VWA3A: variants seen among roughly 807,000 people sequenced by gnomAD.
VWA3A encodes von Willebrand factor A domain-containing protein 3A.
Under a neutral mutation model 160.4 loss-of-function variants are expected in VWA3A, and 134 were observed. The ratio of observed to expected loss-of-function variants is 0.84; its 90% CI spans 0.73 to 0.96. VWA3A has a LOEUF of 0.96. Among genes scored for constraint, VWA3A ranks in the 40% least tolerant of loss-of-function variants. The pLI is 0.00. For synonymous variants in VWA3A, 476 were observed against 543.4 expected (o/e 0.88, Z 1.72); for missense variants, 1,310 against 1,447.9 (o/e 0.90, Z 1.55).
At chr16:22,110,613 C>T (rs965851717) in intron 7 of VWA3A, among the ~76,000 whole-genome samples, 1 of 152,190 alleles carries the variant, frequency 6.6e-6, no homozygotes, top group Non-Finnish European at 1.5e-5. Flanking sequence ...TAGAGAGAAA[C>T]CTCTGTCCTC....
In VWA3A at chr16:22,092,596, C is replaced by T. The variant is rs1413394088; in HGVS notation, c.-42C>T. On this transcript the variant is annotated 5_prime_UTR_variant, in exon 1 of 34. Coordinates refer to ENST00000389398, the MANE Select transcript of VWA3A (RefSeq NM_173615.5). The stretch of plus-strand genomic sequence containing the variant: ...AAGTGAGATCCAGGAGAAGTAAGGC[C>T]CTGGAGTGCCAGGAGCCCTTCTCCC... The T allele has an allele frequency of 6.5e-7, 1 of 1,549,238 alleles. No homozygotes were observed. Among genetic ancestry groups the T allele is most frequent in the East Asian group, 2.5e-5 (1 of 40,814 alleles).
Position 22,134,537 on chromosome 16 carries a change from A to G in VWA3A, c.2139+99A>G, listed in dbSNP as rs575960047. On this transcript the variant is annotated intron_variant, in intron 21 of 33. Coordinates refer to ENST00000389398, the MANE Select transcript of VWA3A (RefSeq NM_173615.5). ...AACTGGGTGGCTTAAAATAACAACC[A>G]TTGATTCTCTCACTTCCAGAGGCTG... 4.9e-5 allele frequency: 50 copies of G among 1,012,544 alleles called. No individual in the cohort carries two copies. The East Asian group carries it at 1.3e-3, about 26-fold the overall frequency. 62.7% of individuals were successfully genotyped at this position (1,012,544 alleles called of 1,614,324 possible).
Position 22,156,041 on chromosome 16 carries a change from C to A in VWA3A, c.*24C>A. 9.3e-7 allele frequency: 1 copy of A among 1,077,800 alleles called. No homozygotes were observed. The highest frequency in any genetic ancestry group is 1.3e-6 in the Non-Finnish European group (1 of 746,062). 66.8% of individuals were successfully genotyped at this position (1,077,800 alleles called of 1,614,324 possible). On this transcript the variant is annotated 3_prime_UTR_variant, in exon 34 of 34. Coordinates refer to ENST00000389398, the MANE Select transcript of VWA3A (RefSeq NM_173615.5). ...TGATTCCTCTAAACAGAAAAGTCAT[C>A]CTGCAAAGGACCACTCACTGAGCAA...
intron 26 of VWA3A, among the ~76,000 whole-genome samples, chr16:22,145,796 C>T (rs551084995): frequency 6.6e-6 from 1 of 151,344 alleles, no homozygotes; most frequent in Admixed American, 6.6e-5. Context: ...AAAAAATACA[C>T]TTAACAGATG....
intron 6 of VWA3A, among the ~76,000 whole-genome samples, chr16:22,105,460 G>C (rs568587047): frequency 6.6e-5 from 10 of 152,320 alleles, no homozygotes; most frequent in Admixed American, 3.9e-4. Flanking sequence ...AAGTGGCCTC[G>C]CTTCTCTGGA....
intron 17 of VWA3A, among the ~76,000 whole-genome samples, chr16:22,129,714 T>G (rs1440757880): frequency 2.0e-5 from 3 of 151,880 alleles, no homozygotes; most frequent in African/African-American, 7.3e-5. Flanking sequence ...CCTGTGGAGA[T>G]GCGAAGAGGA....
Position 22,140,139 on chromosome 16 carries a change from T to C in VWA3A, c.2293-15T>C, listed in dbSNP as rs771062590. 21 of 1,611,290 alleles carry C rather than the reference T, an allele frequency of 1.3e-5. No homozygotes were observed. The South Asian group carries it at 2.1e-4, about 16-fold the overall frequency. On this transcript the variant is annotated splice_polypyrimidine_tract_variant and intron_variant, in intron 22 of 33. Coordinates refer to ENST00000389398, the MANE Select transcript of VWA3A (RefSeq NM_173615.5). ...GGGAACACTCCTCTGATGGGAAAGA[T>C]TGCCTGTTTTCTAGAGCATTAAAGA...
intron 1 of VWA3A, 85 bp from the exon 2 acceptor site, chr16:22,096,774 G>A (rs1213448217): frequency 2.3e-6 from 2 of 887,142 alleles, no homozygotes; most frequent in Non-Finnish European, 1.8e-6. Flanking sequence ...AGAAAAAGAA[G>A]CATTGTGCTG....
chr16:22,142,569 C>T (rs1305294100), intron 24 of VWA3A, 99 bp from the exon 25 acceptor site: 1 of 856,538 alleles, frequency 1.2e-6, no homozygotes, highest in East Asian at 2.7e-5. Context: ...AAACACCTCC[C>T]ATTAAGCCCC....
intron 29 of VWA3A, 31 bp downstream of exon 29, chr16:22,149,962 G>A (rs370053358): frequency 9.5e-6 from 15 of 1,579,188 alleles, no homozygotes; most frequent in East Asian, 2.3e-5. Flanking sequence ...CGACCTTGAC[G>A]CAAAACAAAT....
In VWA3A at chr16:22,121,097, C is replaced by T. The variant is rs1043875851; in HGVS notation, c.1246C>T (p.Leu416=). The change falls in exon 13 of 34, where the codon CTG becomes TTG. Residue 416 remains leucine (L), a synonymous_variant. Transcript: ENST00000389398. ...TGCAGAGTGGCTTAAGGTCAATGGTCTGAAAGGTAAATCTCCAAAGAGGGC... is the reference window on the plus strand; with the variant it reads ...TGCAGAGTGGCTTAAGGTCAATGGTTTGAAAGGTAAATCTCCAAAGAGGGC... The part of the protein sequence containing the change: ...TSAEWLKVNG[L]KAKKLSLYQV... 2.5e-6 allele frequency: 4 copies of T among 1,613,776 alleles called. No individual in the cohort carries two copies. The African/African-American group carries it at 5.3e-5, about 22-fold the overall frequency.
At chr16:22,109,976 G>A (rs906031874) in intron 7 of VWA3A, among the ~76,000 whole-genome samples, 4 of 152,192 alleles carry the variant, frequency 2.6e-5, no homozygotes, top group African/African-American at 9.6e-5. Context: ...ACCAGCTCTA[G>A]TTTGAGAGAA....
intron 17 of VWA3A, among the ~76,000 whole-genome samples, chr16:22,127,991 C>G (rs1443756812): frequency 6.6e-6 from 1 of 152,080 alleles, no homozygotes; most frequent in Non-Finnish European, 1.5e-5. Context: ...GTTTGCCTAG[C>G]ACCTGGGAAT....
At chr16:22,106,070 G>C (rs1432412431) in intron 6 of VWA3A, among the ~76,000 whole-genome samples, 1 of 152,160 alleles carries the variant, frequency 6.6e-6, no homozygotes, top group Non-Finnish European at 1.5e-5. Context: ...GGGAACAGAG[G>C]GTGGAACAGG....
intron 1 of VWA3A, among the ~76,000 whole-genome samples, chr16:22,095,758 C>T (rs967719176): frequency 2.0e-5 from 3 of 151,776 alleles, no homozygotes; most frequent in East Asian, 1.9e-4. Flanking sequence ...GATGGGGTCT[C>T]GCTGGTTTGC....
At chr16:22,098,545 C>A (rs1407442446) in intron 3 of VWA3A, among the ~76,000 whole-genome samples, 1 of 152,102 alleles carries the variant, frequency 6.6e-6, no homozygotes, top group East Asian at 1.9e-4. Context: ...ACAGCTGGGG[C>A]CTCCTTTGCC....
intron 7 of VWA3A, among the ~76,000 whole-genome samples, 175 bp from the exon 8 acceptor site, chr16:22,110,713 C>A (rs1242246748): frequency 1.3e-5 from 2 of 152,176 alleles, no homozygotes; most frequent in Non-Finnish European, 2.9e-5. Flanking sequence ...CCACAGGAGG[C>A]CCGGCAGGCA....
At chr16:22,100,535 A>G (rs564554232) in intron 5 of VWA3A, 42 bp downstream of exon 5, 1 of 1,530,584 alleles carries the variant, frequency 6.5e-7, no homozygotes, top group African/African-American at 1.4e-5. Context: ...CACAGAACTC[A>G]AGAATTATGT....
intron 9 of VWA3A, chr16:22,116,216 GAGAA>G: frequency 2.8e-6 from 1 of 356,446 alleles, no homozygotes; most frequent in Non-Finnish European, 5.2e-6. Context: ...AAAGAAGGAA[GAGAA>G]GGAAGGAAAG....
Sources: allele counts gnomAD v4.1 joint callset (sites outside exome capture counted in the v4.1 genomes callset), GRCh38; gene constraint gnomAD v4.1.1; transcripts MANE v1.5; gene names NCBI Gene and HGNC (gene_info 2026-07-23, HGNC 2026-07-21).